Variants in DAD1 observed in about 807,000 individuals in gnomAD.
DAD1 encodes defender against cell death 1, also known as dolichyl-diphosphooligosaccharide--protein glycosyltransferase subunit DAD1.
In DAD1, 4 loss-of-function variants were observed where a neutral mutation model predicts 9.0. That is an observed-to-expected ratio of 0.44 (90% CI 0.22 to 1.01). DAD1 has a LOEUF of 1.01. DAD1 is among the 50% of genes least tolerant of loss of function. The pLI is 0.24. For missense variants in DAD1, 119 were observed against 137.3 expected (o/e 0.87, Z 0.67); for synonymous variants, 60 against 62.5 (o/e 0.96, Z 0.19).
chr14:22,573,689 A>C (rs550636176), intron 2 of DAD1, among the ~76,000 whole-genome samples: 98 of 145,524 alleles, frequency 6.7e-4, no homozygotes, highest in African/African-American at 2.4e-3. Context: ...CAGCCTGGGT[A>C]ACAGAGCGAG....
At position 22,589,036 on chromosome 14, in the gene DAD1, T is replaced by A; in HGVS notation, c.122A>T (p.Gln41Leu). 6.2e-7 allele frequency: 1 copy of A among 1,614,210 alleles called. No individual in the cohort carries two copies. ...CCCCACGAGGAGACAGTAACCGAAC[T>A]GCAGCGCCCCGGTCAGCAGTATATA... Reference protein sequence around the residue: ...LLYILLTGALQFGYCLLVGTF... With the variant: ...LLYILLTGALLFGYCLLVGTF... The change falls in exon 1 of 3, where the codon CAG becomes CTG. Residue 41 changes from glutamine (Q) to leucine (L), a missense_variant. Coordinates refer to ENST00000250498, the MANE Select transcript of DAD1 (RefSeq NM_001344.4).
At chr14:22,568,631 A>C (rs2037017002) in intron 2 of DAD1, among the ~76,000 whole-genome samples, 5 of 152,196 alleles carry the variant, frequency 3.3e-5, no homozygotes, top group Admixed American at 3.3e-4. Flanking sequence ...ACTGAGGCTC[A>C]GAGGTAAGTT....
At chr14:22,581,388 A>C (rs2037114318) in intron 1 of DAD1, among the ~76,000 whole-genome samples, 1 of 152,312 alleles carries the variant, frequency 6.6e-6, no homozygotes, top group Middle Eastern at 3.4e-3. Flanking sequence ...GGAACCAACC[A>C]TGTAAAAATC....
At chr14:22,573,736 G>GA (rs572590900) in intron 2 of DAD1, among the ~76,000 whole-genome samples, 24 of 123,838 alleles carry the variant, frequency 1.9e-4, no homozygotes, top group East Asian at 2.4e-4. Context: ...AAACAGAAAA[G>GA]AAAAAAAAAA....
intron 1 of DAD1, among the ~76,000 whole-genome samples, chr14:22,576,405 T>C (rs1259109953): frequency 6.6e-6 from 1 of 152,140 alleles, no homozygotes; most frequent in Non-Finnish European, 1.5e-5. Context: ...TGGATATCCA[T>C]AGGCAAAAGA....
chr14:22,586,252 G>T (rs1443525021), intron 1 of DAD1, among the ~76,000 whole-genome samples: 1 of 149,926 alleles, frequency 6.7e-6, no homozygotes, highest in African/African-American at 2.5e-5. Context: ...ACAGGATAAA[G>T]TCCAAATTCC....
intron 2 of DAD1, among the ~76,000 whole-genome samples, 167 bp from the exon 3 acceptor site, chr14:22,565,304 A>G (rs1425488438): frequency 6.6e-6 from 1 of 152,258 alleles, no homozygotes; most frequent in Non-Finnish European, 1.5e-5. Context: ...TTTTCAAAGA[A>G]CATTTTATGG....
At chr14:22,579,998 C>A (rs1319890380) in intron 1 of DAD1, among the ~76,000 whole-genome samples, 1 of 149,782 alleles carries the variant, frequency 6.7e-6, no homozygotes, top group East Asian at 1.9e-4. Context: ...CACCACCATG[C>A]CTAGCTAATT....
In DAD1 at chr14:22,569,229, T is replaced by C. The variant is rs148149034; in HGVS notation, c.*45-4092A>G. On this transcript the variant is annotated intron_variant, in intron 2 of 2. Transcript: ENST00000250498. Reference sequence around the variant, plus strand: ...GTAGGCAGATCACAAAGTCAAAAGATAGAGACCATACTGGCCAACATGGTG... The same window carrying C: ...GTAGGCAGATCACAAAGTCAAAAGACAGAGACCATACTGGCCAACATGGTG... Among the ~76,000 whole-genome samples the C allele has an allele frequency of 1.6e-3, 249 of 152,266 alleles. 1 individual carries two copies. Among genetic ancestry groups the C allele is most frequent in the Admixed American group, 4.1e-3 (63 of 15,296 alleles).
intron 1 of DAD1, among the ~76,000 whole-genome samples, chr14:22,577,981 C>A (rs544944637): frequency 1.3e-5 from 2 of 152,180 alleles, no homozygotes; most frequent in African/African-American, 4.8e-5. Flanking sequence ...AGGCCGGGCA[C>A]GGTGGCTCAC....
intron 1 of DAD1, among the ~76,000 whole-genome samples, chr14:22,575,933 C>G (rs1200525166): frequency 6.6e-6 from 1 of 152,194 alleles, no homozygotes; most frequent in Non-Finnish European, 1.5e-5. Flanking sequence ...AAGCCCAGCT[C>G]CCACACAGAG....
At chr14:22,586,825 T>C (rs981422658) in intron 1 of DAD1, among the ~76,000 whole-genome samples, 1 of 152,212 alleles carries the variant, frequency 6.6e-6, no homozygotes, top group Admixed American at 6.5e-5. Flanking sequence ...AGGCAGGATT[T>C]AGGAAAGTCA....
intron 2 of DAD1, among the ~76,000 whole-genome samples, chr14:22,573,369 G>A (rs2037054277): frequency 1.3e-5 from 2 of 152,100 alleles, no homozygotes; most frequent in African/African-American, 4.8e-5. Flanking sequence ...GAAGGGGAGG[G>A]AGGAAGGGAG....
At chr14:22,568,707 T>TG (rs1555305477) in intron 2 of DAD1, among the ~76,000 whole-genome samples, 6 of 151,678 alleles carry the variant, frequency 4.0e-5, no homozygotes, top group Non-Finnish European at 8.8e-5. Context: ...TTTTTTTTTT[T>TG]TTTTTTTGAG....
At chr14:22,577,111 A>G (rs1027840231) in intron 1 of DAD1, among the ~76,000 whole-genome samples, 8 of 152,234 alleles carry the variant, frequency 5.3e-5, no homozygotes, top group African/African-American at 1.7e-4. Context: ...CAGCAATTCC[A>G]CTTCTGGGTA....
intron 1 of DAD1, among the ~76,000 whole-genome samples, chr14:22,580,678 T>C (rs752485128): frequency 6.6e-6 from 1 of 152,122 alleles, no homozygotes; most frequent in Non-Finnish European, 1.5e-5. Flanking sequence ...TGAAAACATA[T>C]GAATCAGAGT....
At chr14:22,583,000 T>C (rs1250572535) in intron 1 of DAD1, among the ~76,000 whole-genome samples, 3 of 105,646 alleles carry the variant, frequency 2.8e-5, no homozygotes, top group African/African-American at 5.1e-5. Context: ...AGTGAGACTA[T>C]GTCTCAAAAA....
Position 22,589,124 on chromosome 14 carries a change from A to G in DAD1, c.34T>C (p.Phe12Leu). The G allele has an allele frequency of 1.2e-6, 2 of 1,614,172 alleles. No individual in the cohort carries two copies. The highest frequency in any genetic ancestry group is 1.7e-6 in the Non-Finnish European group (2 of 1,180,024). The change falls in exon 1 of 3, where the codon TTC (phenylalanine) becomes CTC (leucine). Residue 12 changes from phenylalanine to leucine, a missense_variant. Coordinates refer to ENST00000250498, the MANE Select transcript of DAD1 (RefSeq NM_001344.4). ...SASVVSVISR[F>L]LEEYLSSTPQ... ...GTGGAGCTCAAGTACTCTTCTAAGA[A>G]CCGCGAAATGACAGACACTACCGAC...
intron 2 of DAD1, among the ~76,000 whole-genome samples, chr14:22,573,654 G>A (rs2037057561): frequency 6.9e-6 from 1 of 144,614 alleles, no homozygotes; most frequent in South Asian, 2.2e-4. Flanking sequence ...AGTCTGCAGT[G>A]AGCCGAGATC....
Sources: allele counts gnomAD v4.1 joint callset (sites outside exome capture counted in the v4.1 genomes callset), GRCh38; gene constraint gnomAD v4.1.1; transcripts MANE v1.5; gene names NCBI Gene and HGNC (gene_info 2026-07-23, HGNC 2026-07-21).